CFAP299: variants seen among roughly 807,000 people sequenced by gnomAD.
CFAP299 encodes the protein cilia- and flagella-associated protein 299.
Under a neutral mutation model 27.0 loss-of-function variants are expected in CFAP299, and 21 were observed. The observed-to-expected ratio is 0.78, with a 90% CI of 0.55 to 1.12. The LOEUF (loss-of-function observed/expected upper bound fraction) is 1.12. CFAP299 is among the 50% of genes most tolerant of loss of function. CFAP299 has a pLI of 0.00. For synonymous variants in CFAP299, 104 were observed against 98.1 expected (o/e 1.06, Z -0.36); for missense variants, 310 against 276.6 (o/e 1.12, Z -0.86).
intron 4 of CFAP299, among the ~76,000 whole-genome samples, chr4:80,877,114 A>C (rs1733420048): frequency 6.6e-6 from 1 of 152,204 alleles, no homozygotes; most frequent in Non-Finnish European, 1.5e-5. Flanking sequence ...GTCTTTAGGG[A>C]AACATTGGCC....
chr4:80,958,331 A>G (rs756748106), intron 5 of CFAP299, among the ~76,000 whole-genome samples: 1 of 152,312 alleles, frequency 6.6e-6, no homozygotes, highest in Admixed American at 6.5e-5. Context: ...GTTTTCAAAC[A>G]TGACATTACG....
chr4:80,876,441 G>A (rs575327447), intron 4 of CFAP299, among the ~76,000 whole-genome samples: 1 of 152,214 alleles, frequency 6.6e-6, no homozygotes, highest in South Asian at 2.1e-4. Flanking sequence ...GCTTTCCTGG[G>A]AAGAGGTGCC....
At chr4:80,404,491 A>G (rs918244115) in intron 2 of CFAP299, among the ~76,000 whole-genome samples, 24 of 152,142 alleles carry the variant, frequency 1.6e-4, no homozygotes, top group Admixed American at 9.8e-4. Context: ...TTCTGTTTCT[A>G]TGAATCTGAC....
At chr4:80,646,406 A>G (rs1038800258) in intron 3 of CFAP299, among the ~76,000 whole-genome samples, 3 of 152,158 alleles carry the variant, frequency 2.0e-5, no homozygotes, top group African/African-American at 4.8e-5. Flanking sequence ...ATTGCTAGAG[A>G]CATATTACCC....
chr4:80,401,079 A>G (rs1471410624), intron 2 of CFAP299, among the ~76,000 whole-genome samples: 1 of 152,230 alleles, frequency 6.6e-6, no homozygotes, highest in Non-Finnish European at 1.5e-5. Context: ...TCTAAACATC[A>G]AAGCATTCAG....
chr4:80,392,280 A>G (rs181192780), intron 2 of CFAP299, among the ~76,000 whole-genome samples: 1 of 152,294 alleles, frequency 6.6e-6, no homozygotes, highest in East Asian at 1.9e-4. Flanking sequence ...GGTTAATACT[A>G]GAATGAGTTA....
chr4:80,808,088 G>T (rs560710648), intron 3 of CFAP299, among the ~76,000 whole-genome samples: 1 of 151,434 alleles, frequency 6.6e-6, no homozygotes, highest in African/African-American at 2.4e-5. Flanking sequence ...ACCTTAAAAA[G>T]TTAAACATAG....
chr4:80,339,943 A>G (rs1034283817), intron 1 of CFAP299, among the ~76,000 whole-genome samples: 2 of 152,252 alleles, frequency 1.3e-5, no homozygotes, highest in Non-Finnish European at 2.9e-5. Context: ...AATGGATAGC[A>G]GTAATGGCTA....
intron 2 of CFAP299, among the ~76,000 whole-genome samples, chr4:80,463,646 A>G (rs1280483190): frequency 6.6e-6 from 1 of 152,084 alleles, no homozygotes; most frequent in African/African-American, 2.4e-5. Flanking sequence ...GTGACCTCAC[A>G]TGGTCTCTTC....
intron 2 of CFAP299, among the ~76,000 whole-genome samples, chr4:80,426,423 A>G (rs1405582604): frequency 4.6e-5 from 7 of 152,194 alleles, no homozygotes; most frequent in East Asian, 1.9e-4. Context: ...GAAACTATCT[A>G]TTGTTCTTCA....
At chr4:80,348,691 A>G (rs1722870825) in intron 1 of CFAP299, among the ~76,000 whole-genome samples, 1 of 152,212 alleles carries the variant, frequency 6.6e-6, no homozygotes, top group Admixed American at 6.5e-5. Context: ...TTCGACCTTC[A>G]GAACTGTGAG....
chr4:80,908,263 A>G (rs1284422525), intron 4 of CFAP299, among the ~76,000 whole-genome samples: 1 of 152,248 alleles, frequency 6.6e-6, no homozygotes, highest in East Asian at 1.9e-4. Context: ...GACTTCAGGT[A>G]GTGCATAAAT....
At chr4:80,335,962 C>T (rs1722118260) in intron 1 of CFAP299, 83 bp downstream of exon 1, 2 of 890,932 alleles carry the variant, frequency 2.2e-6, no homozygotes, top group African/African-American at 1.6e-5. Context: ...GCTGGTCGCC[C>T]CCTGGCGCTG....
intron 2 of CFAP299, among the ~76,000 whole-genome samples, chr4:80,368,759 T>C (rs892175498): frequency 6.6e-6 from 1 of 152,232 alleles, no homozygotes; most frequent in Non-Finnish European, 1.5e-5. Context: ...TACTTGAGAA[T>C]TAAATGAGAA....
chr4:80,729,623 G>A (rs1487940624), intron 3 of CFAP299, among the ~76,000 whole-genome samples: 18 of 135,328 alleles, frequency 1.3e-4, no homozygotes, highest in East Asian at 8.4e-4. Context: ...TTTTTGAGAC[G>A]GAGTCTCGCT....
intron 4 of CFAP299, among the ~76,000 whole-genome samples, chr4:80,914,558 C>T (rs913414769): frequency 3.3e-5 from 5 of 152,130 alleles, no homozygotes; most frequent in African/African-American, 9.7e-5. Context: ...TGGAGGAAAA[C>T]GCCTCCCCAT....
intron 2 of CFAP299, among the ~76,000 whole-genome samples, chr4:80,530,641 GA>G (rs1482069866): frequency 6.6e-6 from 1 of 152,158 alleles, no homozygotes; most frequent in African/African-American, 2.4e-5. Context: ...AGACAAGAAG[GA>G]ATCAGTCAAT....
intron 2 of CFAP299, among the ~76,000 whole-genome samples, chr4:80,492,630 A>G (rs1468834991): frequency 6.6e-6 from 1 of 152,220 alleles, no homozygotes; most frequent in Non-Finnish European, 1.5e-5. Context: ...ACACATTTTC[A>G]TGCATCTAAA....
intron 2 of CFAP299, among the ~76,000 whole-genome samples, chr4:80,391,748 G>C (rs908274005): frequency 6.6e-6 from 1 of 152,070 alleles, no homozygotes; most frequent in African/African-American, 2.4e-5. Context: ...TGGGACTACT[G>C]CTTGATCCCA....
Sources: gnomAD v4.1 joint callset for allele counts (sites outside exome capture counted in the v4.1 genomes callset) on GRCh38, gnomAD v4.1.1 for gene constraint, MANE v1.5 for transcripts, NCBI Gene and HGNC (gene_info 2026-07-23, HGNC 2026-07-21) for gene names.